ERC1: variants seen among roughly 807,000 people sequenced by gnomAD.
The protein encoded by ERC1 is ELKS/RAB6-interacting/CAST family member 1, also known as RAB6 interacting protein 2.
In ERC1, 56 loss-of-function variants were observed where a neutral mutation model predicts 132.0. That is an observed-to-expected ratio of 0.42 (90% CI 0.34 to 0.53). ERC1 has a LOEUF of 0.53. Among genes scored for constraint, ERC1 ranks in the 20% least tolerant of loss-of-function variants. ERC1 has a pLI of 0.03. For synonymous variants in ERC1, 478 were observed against 476.1 expected, an observed-to-expected ratio of 1.00 and a Z score of -0.05; for missense variants, 1,202 against 1,349.9, an observed-to-expected ratio of 0.89 and a Z score of 1.72.
intron 15 of ERC1, among the ~76,000 whole-genome samples, chr12:1,341,253 C>G (rs2083860548): frequency 6.6e-6 from 1 of 151,442 alleles, no homozygotes; most frequent in Non-Finnish European, 1.5e-5. Flanking sequence ...GCCACCAAGC[C>G]CGGCTAATCT....
At chr12:1,419,375 T>A (rs541275167) in intron 17 of ERC1, among the ~76,000 whole-genome samples, 3 of 151,920 alleles carry the variant, frequency 2.0e-5, no homozygotes, top group African/African-American at 7.2e-5. Context: ...TGGATACATT[T>A]CTTTATGTAG....
At chr12:1,099,835 ATTTTTTTTTTTTTT>A (rs779732035) in intron 3 of ERC1, among the ~76,000 whole-genome samples, 218 of 54,396 alleles carry the variant, frequency 4.0e-3, no homozygotes, top group African/African-American at 0.015. Flanking sequence ...TGAGACTTTG[ATTTTTTTTTTTTTT>A]TTTTTTTTTT....
At chr12:1,127,003 A>AG (rs1393699364) in intron 7 of ERC1, among the ~76,000 whole-genome samples, 2 of 97,202 alleles carry the variant, frequency 2.1e-5, no homozygotes, top group African/African-American at 3.1e-5. Context: ...AAAAAAAAAA[A>AG]AAAAAAAAAA....
chr12:1,055,195 T>C (rs541495624), intron 2 of ERC1, among the ~76,000 whole-genome samples: 65 of 152,312 alleles, frequency 4.3e-4, no homozygotes, highest in African/African-American at 1.4e-3. Flanking sequence ...TCCTTTCTTT[T>C]CTTTGACAGA....
chr12:1,253,931 G>A (rs1196550786), intron 13 of ERC1, among the ~76,000 whole-genome samples: 1 of 152,116 alleles, frequency 6.6e-6, no homozygotes, highest in East Asian at 1.9e-4. Flanking sequence ...TCTTTGAAAG[G>A]TCTTCCTTCT....
chr12:1,440,616 G>A (rs1202572723), intron 17 of ERC1, among the ~76,000 whole-genome samples: 1 of 74,706 alleles, frequency 1.3e-5, no homozygotes, highest in Admixed American at 1.2e-4. Context: ...GTGTGTGTGT[G>A]TGTGTGTGTG....
intron 2 of ERC1, among the ~76,000 whole-genome samples, chr12:1,057,193 G>T (rs1312962711): frequency 6.6e-6 from 1 of 151,810 alleles, no homozygotes; most frequent in Non-Finnish European, 1.5e-5. Flanking sequence ...GCGATCTCTC[G>T]GCTCACTGCA....
chr12:1,382,353 G>A (rs1362265), intron 16 of ERC1, among the ~76,000 whole-genome samples: 41,849 of 152,138 alleles, frequency 0.28, 6,160 homozygotes, highest in Middle Eastern at 0.34. Context: ...ACATGGTGTT[G>A]TCTACAGAGG....
chr12:1,211,290 A>C (rs1224639760), intron 12 of ERC1, among the ~76,000 whole-genome samples: 1 of 152,002 alleles, frequency 6.6e-6, no homozygotes, highest in Non-Finnish European at 1.5e-5. Context: ...CTAGGATTAC[A>C]GGCGTGCACC....
At chr12:1,379,756 C>G (rs1381559313) in intron 16 of ERC1, among the ~76,000 whole-genome samples, 1 of 152,110 alleles carries the variant, frequency 6.6e-6, no homozygotes, top group East Asian at 1.9e-4. Context: ...AGGAAGAGAG[C>G]AACCAAAATG....
In ERC1 at chr12:1,138,896, A is replaced by T. The variant is rs556259503; in HGVS notation, c.1570-2724A>T. On this transcript the variant is annotated intron_variant, in intron 7 of 18. Coordinates refer to ENST00000360905, the MANE Select transcript of ERC1 (RefSeq NM_178040.4). Reference sequence around the variant, plus strand: ...TGGGGTCTGGAGGCAAGACCACGTAATCTTAGATCTCTGCTTATTTGTAGC... The same window carrying T: ...TGGGGTCTGGAGGCAAGACCACGTATTCTTAGATCTCTGCTTATTTGTAGC... Among the ~76,000 whole-genome samples the T allele has an allele frequency of 6.4e-4, 97 of 152,256 alleles. 1 individual carries two copies. The highest frequency in any genetic ancestry group is 2.3e-3 in the African/African-American group (95 of 41,548).
intron 1 of ERC1, among the ~76,000 whole-genome samples, chr12:1,006,383 G>A (rs1039201842): frequency 2.6e-5 from 4 of 152,110 alleles, no homozygotes; most frequent in Admixed American, 6.6e-5. Context: ...GTAGGCATGC[G>A]CCAGCATGCC....
At chr12:1,106,382 G>A (rs1945269563) in intron 4 of ERC1, among the ~76,000 whole-genome samples, 1 of 152,130 alleles carries the variant, frequency 6.6e-6, no homozygotes, top group Non-Finnish European at 1.5e-5. Context: ...GCTCAATACT[G>A]TGTTTTGCAT....
chr12:1,276,553 A>G (rs1052000894), intron 14 of ERC1, among the ~76,000 whole-genome samples: 1 of 148,460 alleles, frequency 6.7e-6, no homozygotes, highest in Non-Finnish European at 1.5e-5. Context: ...ATGTTTTTCA[A>G]CTGCACTTGT....
chr12:1,345,102 A>G (rs554520506), intron 15 of ERC1, among the ~76,000 whole-genome samples: 2 of 152,282 alleles, frequency 1.3e-5, no homozygotes, highest in South Asian at 4.1e-4. Context: ...AAAAATTAAC[A>G]TATAACATGC....
intron 16 of ERC1, among the ~76,000 whole-genome samples, chr12:1,373,775 T>A (rs1480334519): frequency 6.6e-6 from 1 of 151,818 alleles, no homozygotes; most frequent in East Asian, 1.9e-4. Context: ...CGAGAGTCCG[T>A]CTCAAAAGAA....
rs1221993004 is a variant in ERC1, at chr12:1,198,646, AG to A, written c.2351+8595del. 9.2e-5 allele frequency among the ~76,000 whole-genome samples: 14 copies of A among 152,320 alleles called. 1 individual carries two copies. The highest frequency in any genetic ancestry group is 7.2e-4 in the Admixed American group (11 of 15,306). On this transcript the variant is annotated intron_variant, in intron 12 of 18. Coordinates refer to ENST00000360905, the MANE Select transcript of ERC1 (RefSeq NM_178040.4). The stretch of plus-strand genomic sequence containing the variant: ...ATACTTGAGACTGGGTAATTTATAA[AG>A]AAAATAGTTTTAATTGGCTCATGTT...
chr12:1,180,573 G>A lies in ERC1; in HGVS notation c.1771G>A (p.Glu591Lys), dbSNP rs1475125562. Reference protein sequence around the residue: ...ENLQEQLRDKEKQMSSLKERV... With the variant: ...ENLQEQLRDKKKQMSSLKERV... ...TCTTCAAGAGCAGCTTAGAGACAAG[G>A]AAAAGCAGATGAGCAGCTTGAAAGA... Residue 591 changes from glutamate to lysine, a missense_variant, in exon 9 of 19, where the codon GAA becomes AAA. By Grantham distance (56) the Glu-to-Lys change is moderately conservative (BLOSUM62 1). Coordinates refer to ENST00000360905, the MANE Select transcript of ERC1 (RefSeq NM_178040.4). 1 of 1,613,832 alleles carries A rather than the reference G, an allele frequency of 6.2e-7. No homozygotes were observed. Among genetic ancestry groups the A allele is most frequent in the African/African-American group, 1.3e-5 (1 of 74,768 alleles).
chr12:1,240,858 C>G (rs1299628451), intron 13 of ERC1, among the ~76,000 whole-genome samples: 1 of 151,850 alleles, frequency 6.6e-6, no homozygotes, highest in Non-Finnish European at 1.5e-5. Context: ...CCGTATTTTG[C>G]TTTTTAAAAA....
Sources: allele counts gnomAD v4.1 joint callset (sites outside exome capture counted in the v4.1 genomes callset), GRCh38; gene constraint gnomAD v4.1.1; transcripts MANE v1.5; gene names NCBI Gene and HGNC (gene_info 2026-07-23, HGNC 2026-07-21).